CENPW: variants seen among roughly 807,000 people sequenced by gnomAD.
CENPW encodes the protein cancer-up-regulated gene 2 protein.
A neutral mutation model predicts 11.1 loss-of-function variants in CENPW; 3 were observed. The observed-to-expected ratio is 0.27, with a 90% CI of 0.12 to 0.70. The LOEUF is 0.70. Among genes scored for constraint, CENPW ranks in the 30% least tolerant of loss-of-function variants. CENPW has a pLI of 0.77. For missense variants in CENPW, 100 were observed against 105.6 expected, an observed-to-expected ratio of 0.95 and a Z score of 0.23; for synonymous variants, 38 against 42.0, an observed-to-expected ratio of 0.91 and a Z score of 0.37.
chr6:126,404,985 C>T, the CENPW span, among the ~76,000 whole-genome samples: 6 of 151,558 alleles, frequency 4.0e-5, no homozygotes, highest in Admixed American at 6.6e-5. Flanking sequence ...GTTTCCTTTG[C>T]TGTGCAGAAA....
chr6:126,388,052 A>G, the CENPW span, among the ~76,000 whole-genome samples: 1 of 151,972 alleles, frequency 6.6e-6, no homozygotes, highest in South Asian at 2.1e-4. Context: ...AGTAGCACAA[A>G]AGGACACTCA....
the CENPW span, among the ~76,000 whole-genome samples, chr6:126,389,024 C>G: frequency 6.6e-6 from 1 of 151,872 alleles, no homozygotes. Flanking sequence ...AATTGTAGAT[C>G]TCATTCTGTT....
At chr6:126,364,625 C>G in the CENPW span, among the ~76,000 whole-genome samples, 1 of 152,136 alleles carries the variant, frequency 6.6e-6, no homozygotes, top group Admixed American at 6.5e-5. Context: ...TACCCCTATC[C>G]ATTTTATATG....
chr6:126,414,950 C>A, the CENPW span, among the ~76,000 whole-genome samples: 1 of 151,734 alleles, frequency 6.6e-6, no homozygotes, highest in African/African-American at 2.4e-5. Context: ...GGATCATTAG[C>A]GATGGCTATG....
At chr6:126,410,028 T>C in the CENPW span, among the ~76,000 whole-genome samples, 2 of 152,098 alleles carry the variant, frequency 1.3e-5, no homozygotes, top group African/African-American at 4.8e-5. Context: ...TGGTGGTTTT[T>C]TTTATGGTGA....
the CENPW span, among the ~76,000 whole-genome samples, chr6:126,400,965 C>A: frequency 6.6e-6 from 1 of 152,016 alleles, no homozygotes; most frequent in Non-Finnish European, 1.5e-5. Context: ...TCTCTAAAAT[C>A]TTTAGCATAT....
the CENPW span, among the ~76,000 whole-genome samples, chr6:126,445,359 G>C: frequency 1.3e-5 from 2 of 151,074 alleles, no homozygotes; most frequent in African/African-American, 2.4e-5. Context: ...TAGCTTCTTT[G>C]TTTTATTGAA....
At chr6:126,472,465 A>G in the CENPW span, among the ~76,000 whole-genome samples, 1 of 152,182 alleles carries the variant, frequency 6.6e-6, no homozygotes, top group Non-Finnish European at 1.5e-5. Context: ...ATTGTGACTT[A>G]CCCATGCTGG....
At chr6:126,415,422 A>G in the CENPW span, among the ~76,000 whole-genome samples, 1 of 152,158 alleles carries the variant, frequency 6.6e-6, no homozygotes, top group African/African-American at 2.4e-5. Flanking sequence ...ATAAAAATTA[A>G]ATATATCATT....
At chr6:126,441,031 T>A in the CENPW span, among the ~76,000 whole-genome samples, 1 of 151,484 alleles carries the variant, frequency 6.6e-6, no homozygotes, top group Non-Finnish European at 1.5e-5. Flanking sequence ...ATGTCACACT[T>A]CTCAGAATCC....
chr6:126,352,044 G>GT (rs1216821073), downstream of CENPW, among the ~76,000 whole-genome samples: 1 of 152,106 alleles, frequency 6.6e-6, no homozygotes, highest in Admixed American at 6.6e-5. Context: ...CTGAGAATCT[G>GT]TATTTCTAGC....
the CENPW span, among the ~76,000 whole-genome samples, chr6:126,372,636 A>G: frequency 1.3e-5 from 2 of 152,316 alleles, no homozygotes; most frequent in African/African-American, 4.8e-5. Context: ...CCATGAGATC[A>G]TGAAATTGCT....
the CENPW span, among the ~76,000 whole-genome samples, chr6:126,449,777 T>C: frequency 6.6e-6 from 1 of 151,084 alleles, no homozygotes; most frequent in Non-Finnish European, 1.5e-5. Flanking sequence ...ATAAATATCC[T>C]TGCTCACAAC....
the CENPW span, among the ~76,000 whole-genome samples, chr6:126,379,727 AATG>A: frequency 6.6e-6 from 1 of 152,194 alleles, no homozygotes; most frequent in Non-Finnish European, 1.5e-5. Context: ...GCTGTCATTA[AATG>A]AGTTGACATG....
the CENPW span, among the ~76,000 whole-genome samples, chr6:126,368,465 A>C: frequency 2.0e-5 from 3 of 152,166 alleles, no homozygotes; most frequent in African/African-American, 7.2e-5. Context: ...TATAAAATTA[A>C]AAACTTTAAT....
the CENPW span, among the ~76,000 whole-genome samples, chr6:126,422,592 A>G: frequency 1.3e-5 from 2 of 152,116 alleles, no homozygotes; most frequent in African/African-American, 4.8e-5. Context: ...GTGGGACACA[A>G]TTCAGTCTAT....
the CENPW span, among the ~76,000 whole-genome samples, chr6:126,417,658 G>C: frequency 1.6e-4 from 24 of 152,206 alleles, no homozygotes; most frequent in Admixed American, 9.8e-4. Flanking sequence ...CTCTTTGCCT[G>C]CTGCCATCCA....
downstream of CENPW, among the ~76,000 whole-genome samples, chr6:126,351,099 C>T (rs1780485922): frequency 6.6e-6 from 1 of 151,182 alleles, no homozygotes; most frequent in African/African-American, 2.4e-5. Context: ...TAGTTAATCC[C>T]ACTGCCTTGT....
the CENPW span, among the ~76,000 whole-genome samples, chr6:126,461,261 TACACA>T: frequency 2.6e-5 from 4 of 151,874 alleles, no homozygotes; most frequent in Non-Finnish European, 5.9e-5. Flanking sequence ...GGAGTTTCCC[TACACA>T]CGCTCTCTTC....
Sources: allele counts gnomAD v4.1 joint callset (sites outside exome capture counted in the v4.1 genomes callset), GRCh38; gene constraint gnomAD v4.1.1; transcripts MANE v1.5; gene names NCBI Gene and HGNC (gene_info 2026-07-23, HGNC 2026-07-21).